Variants in PPP2R2D observed in about 807,000 individuals in gnomAD.
The protein encoded by PPP2R2D is serine/threonine-protein phosphatase 2A 55 kDa regulatory subunit B delta isoform.
A neutral mutation model predicts 31.1 loss-of-function variants in PPP2R2D; 9 were observed. The ratio of observed to expected loss-of-function variants is 0.29; its 90% CI spans 0.17 to 0.51. The LOEUF (loss-of-function observed/expected upper bound fraction) is 0.51. Among genes scored for constraint, PPP2R2D ranks in the 20% least tolerant of loss-of-function variants. PPP2R2D has a pLI of 0.98. For synonymous variants in PPP2R2D, 179 were observed against 172.6 expected (o/e 1.04, Z -0.29); for missense variants, 391 against 465.6 (o/e 0.84, Z 1.48).
rs76236123 is a variant in PPP2R2D at position 131,920,370 on chromosome 10, G to A, written c.101-14088G>A. The stretch of plus-strand genomic sequence containing the variant: ...GACCTCAGGCAGGTGGAATGACACA[G>A]TGTAGGGACCTCACGTGGGTGGAGT... On this transcript the variant is annotated intron_variant, in intron 2 of 8. Transcript: ENST00000455566. 2.4e-4 allele frequency among the ~76,000 whole-genome samples: 35 copies of A among 144,984 alleles called. 1 individual carries two copies. In the East Asian group the frequency reaches 6.9e-3, roughly 28 times the overall value.
chr10:131,921,675 T>A (rs141251577), intron 2 of PPP2R2D, among the ~76,000 whole-genome samples: 3 of 152,224 alleles, frequency 2.0e-5, no homozygotes, highest in African/African-American at 7.2e-5. Context: ...ACTCACTGGC[T>A]GCAGTGTGCG....
chr10:131,916,069 G>A (rs1272280194), intron 2 of PPP2R2D, among the ~76,000 whole-genome samples: 7 of 152,180 alleles, frequency 4.6e-5, no homozygotes, highest in African/African-American at 1.4e-4. Context: ...CAAATATGTC[G>A]TAGGTAAAAT....
chr10:131,925,931 AGCGCACACACAG>A (rs1554894860), intron 2 of PPP2R2D, among the ~76,000 whole-genome samples: 1 of 152,190 alleles, frequency 6.6e-6, no homozygotes, highest in African/African-American at 2.4e-5. Flanking sequence ...CCCGTTTTTC[AGCGCACACACAG>A]GCCCTTAGTC....
At chr10:131,939,165 A>T (rs1564820501) in intron 3 of PPP2R2D, among the ~76,000 whole-genome samples, 11 of 79,400 alleles carry the variant, frequency 1.4e-4, no homozygotes, top group East Asian at 4.5e-4. Flanking sequence ...TGCATTCGGC[A>T]GACCTGCTCC....
rs1036292899 is a variant in PPP2R2D at position 131,945,226 on chromosome 10, G to A, written c.656-69G>A. ...CGTGGATTATTTGGCGTCCTATTTC[G>A]CGTGACTGAATGTAGACTAATTAAC... On this transcript the variant is annotated intron_variant, in intron 6 of 8. Coordinates refer to ENST00000455566, the MANE Select transcript of PPP2R2D (RefSeq NM_018461.5). This position sits in a 1 kb window ranked among gnomAD's most constrained non-coding sequence, Gnocchi z 4.8. The A allele has an allele frequency of 9.9e-5, 150 of 1,521,150 alleles. No individual in the cohort carries two copies. The highest frequency in any genetic ancestry group is 3.7e-4 in the East Asian group (16 of 43,498). The allele number at this position is 1,521,150 out of a possible 1,614,324, so 94.2% of individuals were successfully genotyped here.
chr10:131,913,975 A>T (rs1035364761), intron 2 of PPP2R2D, among the ~76,000 whole-genome samples: 22 of 152,230 alleles, frequency 1.4e-4, no homozygotes, highest in South Asian at 8.3e-4. Flanking sequence ...CTTTTTCTGT[A>T]TCGTGCACAA....
chr10:131,947,818 C>T lies in PPP2R2D; in HGVS notation c.1082+27C>T, dbSNP rs549446500. 49 of 1,602,948 alleles carry T rather than the reference C, an allele frequency of 3.1e-5. No homozygotes were observed. The East Asian group carries it at 7.8e-4, about 26-fold the overall frequency. On this transcript the variant is annotated intron_variant, in intron 8 of 8. Transcript: ENST00000455566. This position sits in a 1 kb window ranked among gnomAD's most constrained non-coding sequence, Gnocchi z 4.3. ...TAAGGCCTGCGTGGAGATGAGCTGT[C>T]GCCCCAAGCTTGCTGGTTTCCGAGA...
the PPP2R2D span, chr10:131,970,418 A>C: frequency 8.0e-6 from 5 of 626,376 alleles, no homozygotes; most frequent in Non-Finnish European, 1.4e-5. This position sits in a 1 kb window ranked among gnomAD's most constrained non-coding sequence, Gnocchi z 4.1. Flanking sequence ...CAGACTCGTC[A>C]GGCCAGACAG....
At position 131,947,867 on chromosome 10, in the gene PPP2R2D, A is replaced by C. The variant is rs2036570791; in HGVS notation, c.1082+76A>C. The C allele has an allele frequency of 1.3e-6, 2 of 1,561,078 alleles. No individual in the cohort carries two copies. Among genetic ancestry groups the C allele is most frequent in the Non-Finnish European group, 1.7e-6 (2 of 1,146,012 alleles). On this transcript the variant is annotated intron_variant, in intron 8 of 8. Coordinates refer to ENST00000455566, the MANE Select transcript of PPP2R2D (RefSeq NM_018461.5). The surrounding 1 kb of genome is among the most constrained non-coding windows in gnomAD (Gnocchi z 4.3). ...GAGTGCAAGGTCAGTGAGGGAGGCG[A>C]GCTGTCCTCCAGCGTCAGAGGAGGA...
At chr10:131,923,210 C>T (rs182821722) in intron 2 of PPP2R2D, among the ~76,000 whole-genome samples, 6 of 152,342 alleles carry the variant, frequency 3.9e-5, no homozygotes, top group African/African-American at 1.2e-4. Flanking sequence ...TGCCTGTTCA[C>T]GTGTCATGTA....
rs1333259901 is a variant in PPP2R2D at position 131,956,471 on chromosome 10, A to G, written c.*508A>G. The G allele has an allele frequency of 3.0e-6, 3 of 985,388 alleles. No homozygotes were observed. Among genetic ancestry groups the G allele is most frequent in the African/African-American group, 3.5e-5 (2 of 57,214 alleles). The allele number at this position is 985,388 out of a possible 1,614,324, so 61.0% of individuals were successfully genotyped here. On this transcript the variant is annotated 3_prime_UTR_variant, in exon 9 of 9. Transcript: ENST00000455566. The stretch of plus-strand genomic sequence containing the variant: ...CGAGCAGGCTCAGGCGGCCCCACTC[A>G]CCCACAGCATCCGCCGCCACCCCTT...
At chr10:131,931,206 C>A (rs1411533146) in intron 2 of PPP2R2D, among the ~76,000 whole-genome samples, 1 of 152,188 alleles carries the variant, frequency 6.6e-6, no homozygotes, top group Admixed American at 6.5e-5. Context: ...AGGGCTTGTG[C>A]GTGGTTAGGA....
chr10:131,953,551 TGTG>T (rs1330397605), intron 8 of PPP2R2D, among the ~76,000 whole-genome samples: 1 of 133,366 alleles, frequency 7.5e-6, no homozygotes, highest in Non-Finnish European at 1.6e-5. Flanking sequence ...AGCAGTGACT[TGTG>T]GTTGTGTGTG....
In PPP2R2D at chr10:131,915,595, A is replaced by G. The variant is rs1427850537; in HGVS notation, c.100+14265A>G. Among the ~76,000 whole-genome samples the G allele has an allele frequency of 6.6e-5, 10 of 152,298 alleles. No individual in the cohort carries two copies. The East Asian group carries it at 1.7e-3, about 26-fold the overall frequency. On this transcript the variant is annotated intron_variant, in intron 2 of 8. Coordinates refer to ENST00000455566, the MANE Select transcript of PPP2R2D (RefSeq NM_018461.5). Reference sequence around the variant, plus strand: ...GAGGCACTGTCTGTGAAATTGGTTCATAGCCTGTCCCTGCTCTTGAGTGTT... The same window carrying G: ...GAGGCACTGTCTGTGAAATTGGTTCGTAGCCTGTCCCTGCTCTTGAGTGTT...
intron 2 of PPP2R2D, among the ~76,000 whole-genome samples, chr10:131,933,199 G>A (rs1554895928): frequency 6.6e-6 from 1 of 152,186 alleles, no homozygotes; most frequent in African/African-American, 2.4e-5. Flanking sequence ...AGCGAACAGT[G>A]CCAGCCGCGG....
At chr10:131,961,775 A>G (rs1307300509), downstream of PPP2R2D, among the ~76,000 whole-genome samples, 2 of 151,830 alleles carry the variant, frequency 1.3e-5, no homozygotes, top group Non-Finnish European at 2.9e-5. Context: ...GCCTCTGGCC[A>G]GGGCAGGTGG....
chr10:131,929,505 C>T (rs1010538810), intron 2 of PPP2R2D, among the ~76,000 whole-genome samples: 4 of 152,190 alleles, frequency 2.6e-5, no homozygotes, highest in African/African-American at 9.7e-5. Flanking sequence ...GCCTGCATTT[C>T]TCAAGACTCG....
the PPP2R2D span, among the ~76,000 whole-genome samples, chr10:131,965,567 C>A: frequency 6.6e-6 from 1 of 152,216 alleles, no homozygotes; most frequent in Non-Finnish European, 1.5e-5. Context: ...CTGCCTCAGC[C>A]TCCCAAGTAG....
At position 131,945,168 on chromosome 10, in the gene PPP2R2D, C is replaced by G; in HGVS notation, c.656-127C>G. Reference sequence around the variant, plus strand: ...TTTGGAATTCGGGATGTGTAACCAGCCTTCTTAATAGCTAATCCCTTAAAC... The same window carrying G: ...TTTGGAATTCGGGATGTGTAACCAGGCTTCTTAATAGCTAATCCCTTAAAC... On this transcript the variant is annotated intron_variant, in intron 6 of 8. Transcript: ENST00000455566. This position sits in a 1 kb window ranked among gnomAD's most constrained non-coding sequence, Gnocchi z 4.8. 1 of 1,105,124 alleles carries G rather than the reference C, an allele frequency of 9.0e-7. No individual in the cohort carries two copies. The highest frequency in any genetic ancestry group is 1.3e-6 in the Non-Finnish European group (1 of 793,524). The allele number at this position is 1,105,124 out of a possible 1,614,324, so 68.5% of individuals were successfully genotyped here.
Sources: allele counts gnomAD v4.1 joint callset (sites outside exome capture counted in the v4.1 genomes callset), GRCh38; gene constraint gnomAD v4.1.1; non-coding constraint Gnocchi (gnomAD v3.1); transcripts MANE v1.5; gene names NCBI Gene and HGNC (gene_info 2026-07-23, HGNC 2026-07-21).